The following DDX6 variants were observed in gnomAD, a reference collection of about 807,000 sequenced individuals.
DDX6 encodes the protein DEAD-box helicase 6.
Under a neutral mutation model 60.6 loss-of-function variants are expected in DDX6, and 7 were observed. The ratio of observed to expected loss-of-function variants is 0.12; its 90% CI spans 0.07 to 0.22. DDX6 has a LOEUF of 0.22. DDX6 is among the 10% of genes least tolerant of loss of function. The pLI is 1.00. For synonymous variants in DDX6, 207 were observed against 201.0 expected, an observed-to-expected ratio of 1.03 and a Z score of -0.25; for missense variants, 270 against 589.9, an observed-to-expected ratio of 0.46 and a Z score of 5.62.
chr11:118,751,982 C>A lies in DDX6; in HGVS notation c.*123G>T. Reference sequence around the variant, plus strand: ...CAGTTAAAAAAAGAAAATGTCTGAGCTCTTTTAAGTCTTCATAGTTCCAAA... The same window carrying A: ...CAGTTAAAAAAAGAAAATGTCTGAGATCTTTTAAGTCTTCATAGTTCCAAA... On this transcript the variant is annotated 3_prime_UTR_variant, in exon 14 of 14. Transcript: ENST00000534980. 2.6e-6 allele frequency: 1 copy of A among 380,328 alleles called. No individual in the cohort carries two copies. 23.6% of individuals were successfully genotyped at this position (380,328 alleles called of 1,614,324 possible).
intron 3 of DDX6, among the ~76,000 whole-genome samples, chr11:118,780,438 C>T (rs1253752849): frequency 6.6e-6 from 1 of 152,150 alleles, no homozygotes; most frequent in African/African-American, 2.4e-5. Context: ...CTGTCTCAGC[C>T]TCCTGAGCAG....
chr11:118,775,048 C>T (rs190876507), intron 4 of DDX6, among the ~76,000 whole-genome samples: 1 of 152,284 alleles, frequency 6.6e-6, no homozygotes, highest in African/African-American at 2.4e-5. Flanking sequence ...GGCGTGGTGG[C>T]TCACGCCTGT....
intron 7 of DDX6, among the ~76,000 whole-genome samples, chr11:118,761,578 C>T (rs1168534533): frequency 1.3e-5 from 2 of 152,036 alleles, no homozygotes; most frequent in Admixed American, 6.6e-5. Flanking sequence ...GATCGCACCA[C>T]TGCACTCCAA....
chr11:118,772,122 G>C (rs1861554513), intron 4 of DDX6, among the ~76,000 whole-genome samples: 1 of 152,162 alleles, frequency 6.6e-6, no homozygotes, highest in African/African-American at 2.4e-5. Context: ...AAGGCAGCCT[G>C]CTATTTTATT....
intron 13 of DDX6, among the ~76,000 whole-genome samples, chr11:118,753,715 T>C (rs564934780): frequency 6.6e-6 from 1 of 152,334 alleles, no homozygotes; most frequent in African/African-American, 2.4e-5. Context: ...TGGATAGTTT[T>C]ATCAGAGTGA....
chr11:118,757,534 T>C (rs1451828908), intron 9 of DDX6, among the ~76,000 whole-genome samples: 2 of 152,160 alleles, frequency 1.3e-5, no homozygotes, highest in Non-Finnish European at 2.9e-5. Flanking sequence ...AGTAATACAA[T>C]TGATTATCTG....
chr11:118,775,260 A>T (rs1227173231), intron 4 of DDX6, among the ~76,000 whole-genome samples: 5 of 152,176 alleles, frequency 3.3e-5, no homozygotes, highest in Admixed American at 1.3e-4. Flanking sequence ...AGGTTGCAGT[A>T]AGCCGAGAGC....
chr11:118,763,563 G>A (rs578232022), intron 6 of DDX6, among the ~76,000 whole-genome samples: 1 of 152,264 alleles, frequency 6.6e-6, no homozygotes, highest in East Asian at 1.9e-4. Flanking sequence ...GCCGGGTGCA[G>A]TAGCTCATCC....
chr11:118,768,329 T>C lies in DDX6; in HGVS notation c.393A>G (p.Leu131=), dbSNP rs781898707. The C allele has an allele frequency of 1.2e-6, 2 of 1,612,526 alleles. No individual in the cohort carries two copies. Among genetic ancestry groups the C allele is most frequent in the African/African-American group, 1.3e-5 (1 of 74,904 alleles). ...PIQEESIPIA[L]SGRDILARAK... is the part of the protein sequence containing the mutation. ...CTCTAGCTAAGATATCCCTACCAGA[T>C]AAAGCAATGGGAATGCTCTCCTCCT... The change falls in exon 5 of 14, where the codon TTA becomes TTG. Residue 131 remains leucine (L), a synonymous_variant. Transcript: ENST00000534980.
chr11:118,775,753 T>A (rs1555163497), intron 4 of DDX6, among the ~76,000 whole-genome samples: 1 of 152,202 alleles, frequency 6.6e-6, no homozygotes, highest in Non-Finnish European at 1.5e-5. Flanking sequence ...CTATATGCTA[T>A]AACAACACTC....
Position 118,760,051 on chromosome 11 carries a change from T to G in DDX6, c.742-7A>C, listed in dbSNP as rs782491939. On this transcript the variant is annotated splice_region_variant and splice_polypyrimidine_tract_variant and intron_variant, in intron 7 of 13. Transcript: ENST00000534980. ...GTGACAGCAACTTATCTGCCTGCAG[T>G]AGAAAGAAAAGACAATTTTAAAAAC... 2.4e-5 allele frequency: 38 copies of G among 1,609,296 alleles called. No individual in the cohort carries two copies. The highest frequency in any genetic ancestry group is 3.0e-5 in the Non-Finnish European group (35 of 1,178,736).
chr11:118,777,598 G>A (rs1861742592), intron 4 of DDX6, among the ~76,000 whole-genome samples: 1 of 152,056 alleles, frequency 6.6e-6, no homozygotes, highest in African/African-American at 2.4e-5. Context: ...ATGTCAAAAA[G>A]CAAGAAAGGG....
chr11:118,760,719 G>A (rs1193125905), intron 7 of DDX6, among the ~76,000 whole-genome samples: 2 of 151,774 alleles, frequency 1.3e-5, no homozygotes, highest in African/African-American at 4.8e-5. Flanking sequence ...TACTCGGGAG[G>A]CTGGGGCAGG....
At chr11:118,787,669 A>G (rs1187512686) in intron 1 of DDX6, 2 of 152,038 alleles carry the variant, frequency 1.3e-5, no homozygotes, top group South Asian at 2.1e-4. Context: ...AGAAAAATGT[A>G]TTTTCTTTTT....
At chr11:118,769,247 CA>C (rs1270249651) in intron 4 of DDX6, among the ~76,000 whole-genome samples, 1 of 152,096 alleles carries the variant, frequency 6.6e-6, no homozygotes, top group Non-Finnish European at 1.5e-5. Context: ...ATCCCTGCAA[CA>C]AAACACGAAT....
chr11:118,785,281 C>G (rs1004764975), intron 2 of DDX6, among the ~76,000 whole-genome samples: 1 of 152,036 alleles, frequency 6.6e-6, no homozygotes, highest in Non-Finnish European at 1.5e-5. Context: ...TTAAGGTTAA[C>G]AAAAGGTTTC....
At chr11:118,785,048 G>T (rs374077419) in intron 2 of DDX6, among the ~76,000 whole-genome samples, 6 of 152,286 alleles carry the variant, frequency 3.9e-5, no homozygotes, top group Non-Finnish European at 5.9e-5. Context: ...GACTACAGGC[G>T]TGTGCCACTG....
intron 11 of DDX6, among the ~76,000 whole-genome samples, chr11:118,755,953 G>C (rs911611498): frequency 3.3e-5 from 5 of 151,420 alleles, no homozygotes; most frequent in Middle Eastern, 3.4e-3. Context: ...AGGAGGTGGA[G>C]GTTTCAGAGA....
intron 4 of DDX6, among the ~76,000 whole-genome samples, chr11:118,769,404 G>A (rs1389716261): frequency 6.6e-6 from 1 of 152,050 alleles, no homozygotes; most frequent in Non-Finnish European, 1.5e-5. Context: ...CCTCAAATAC[G>A]GTCACATCAC....
Sources: gnomAD v4.1 joint callset for allele counts (sites outside exome capture counted in the v4.1 genomes callset) on GRCh38, gnomAD v4.1.1 for gene constraint, MANE v1.5 for transcripts, NCBI Gene and HGNC (gene_info 2026-07-23, HGNC 2026-07-21) for gene names.